The following TDRD7 variants were observed in gnomAD, a reference collection of about 807,000 sequenced individuals.
TDRD7 encodes tudor domain containing 7.
A neutral mutation model predicts 109.8 loss-of-function variants in TDRD7; 47 were observed. The ratio of observed to expected loss-of-function variants is 0.43; its 90% CI spans 0.34 to 0.55. The LOEUF (loss-of-function observed/expected upper bound fraction) is 0.55, where lower values mean the gene tolerates loss of function less well. Among genes scored for constraint, TDRD7 ranks in the 20% least tolerant of loss-of-function variants. The pLI is 0.03. For synonymous variants in TDRD7, 424 were observed against 457.3 expected, an observed-to-expected ratio of 0.93 and a Z score of 0.93; for missense variants, 1,164 against 1,319.2, an observed-to-expected ratio of 0.88 and a Z score of 1.82.
At chr9:97,459,969 A>G (rs1828681446) in intron 6 of TDRD7, among the ~76,000 whole-genome samples, 2 of 152,068 alleles carry the variant, frequency 1.3e-5, no homozygotes. Context: ...ATTTAATACT[A>G]TTTTATTTTC....
At chr9:97,470,509 T>G (rs1423989560) in intron 8 of TDRD7, 49 bp from the exon 9 acceptor site, 3 of 1,533,072 alleles carry the variant, frequency 2.0e-6, no homozygotes, top group African/African-American at 2.7e-5. Flanking sequence ...CAAATGAATT[T>G]TTTAAAGAGA....
intron 6 of TDRD7, among the ~76,000 whole-genome samples, chr9:97,457,055 A>G (rs1044105497): frequency 2.6e-5 from 4 of 152,224 alleles, no homozygotes; most frequent in African/African-American, 9.6e-5. Context: ...ACAGCCAACA[A>G]ACATGAAAAA....
chr9:97,465,542 G>C (rs1038855086), intron 8 of TDRD7, among the ~76,000 whole-genome samples: 2 of 152,170 alleles, frequency 1.3e-5, no homozygotes, highest in African/African-American at 4.8e-5. Context: ...TCTGGGCTTG[G>C]CTACATTCGT....
At chr9:97,446,990 A>G (rs1019504612) in intron 6 of TDRD7, among the ~76,000 whole-genome samples, 1 of 152,354 alleles carries the variant, frequency 6.6e-6, no homozygotes, top group Middle Eastern at 3.4e-3. Context: ...ACTTGGAAGT[A>G]TAATCATAAT....
chr9:97,439,262 C>T lies in TDRD7; in HGVS notation c.581C>T (p.Ser194Phe), dbSNP rs534534294. The T allele has an allele frequency of 1.9e-6, 3 of 1,601,474 alleles. No individual in the cohort carries two copies. Among genetic ancestry groups the T allele is most frequent in the South Asian group, 2.2e-5 (2 of 90,800 alleles). Residue 194 changes from serine to phenylalanine, a missense_variant, in exon 5 of 17, where the codon TCC (serine) becomes TTC (phenylalanine). Physicochemically the swap from Ser to Phe is radical, Grantham distance 155. Coordinates refer to ENST00000355295, the MANE Select transcript of TDRD7 (RefSeq NM_014290.3). ...STNNRFSPKA[S>F]LQPPLQMHLS... ...TATCTTAGGTTTAGCCCAAAGGCGT[C>T]CCTTCAACCACCTTTGCAGATGCAT...
In TDRD7 at chr9:97,436,426, A is replaced by G. The variant is rs961012803; in HGVS notation, c.564-2819A>G. On this transcript the variant is annotated intron_variant, in intron 4 of 16. Coordinates refer to ENST00000355295, the MANE Select transcript of TDRD7 (RefSeq NM_014290.3). The stretch of plus-strand genomic sequence containing the variant: ...TGAATTACATGTCTTTGTCCTTTAC[A>G]TAATTTTTCTATTGGCTCTTTTCCT... Among the ~76,000 whole-genome samples the G allele has an allele frequency of 2.0e-5, 3 of 152,260 alleles. No individual in the cohort carries two copies. In the East Asian group the frequency reaches 5.8e-4, roughly 29 times the overall value.
At position 97,412,989 on chromosome 9, in the gene TDRD7, C is replaced by T. The variant is rs1437023726; in HGVS notation, c.-7+751C>T. ...TATTTCCATTAATAGCTAAAGGTAC[C>T]ATTCTCAAATAATTTCTAAGAGCAG... On this transcript the variant is annotated intron_variant, in intron 1 of 16. Coordinates refer to ENST00000355295, the MANE Select transcript of TDRD7 (RefSeq NM_014290.3). The surrounding 1 kb of genome is among the most constrained non-coding windows in gnomAD (Gnocchi z 4.3). Among the ~76,000 whole-genome samples, 1 of 152,106 alleles carries T rather than the reference C, an allele frequency of 6.6e-6. No homozygotes were observed. Among genetic ancestry groups the T allele is most frequent in the Non-Finnish European group, 1.5e-5 (1 of 68,018 alleles).
In TDRD7 at chr9:97,415,719, G is replaced by T. The variant is rs149302315; in HGVS notation, c.-7+3481G>T. On this transcript the variant is annotated intron_variant, in intron 1 of 16. Coordinates refer to ENST00000355295, the MANE Select transcript of TDRD7 (RefSeq NM_014290.3). Reference sequence around the variant, plus strand: ...GAGGCGGGAGAATCACTTGAACCCGGCAGGCGGAGGTTGCAGTGAGCCAAG... The same window carrying T: ...GAGGCGGGAGAATCACTTGAACCCGTCAGGCGGAGGTTGCAGTGAGCCAAG... 3.4e-3 allele frequency among the ~76,000 whole-genome samples: 514 copies of T among 152,310 alleles called. 3 individuals are homozygous for T. The highest frequency in any genetic ancestry group is 0.011 in the African/African-American group (473 of 41,562).
intron 6 of TDRD7, among the ~76,000 whole-genome samples, chr9:97,455,703 T>C (rs980059287): frequency 4.5e-4 from 68 of 152,154 alleles, no homozygotes; most frequent in Non-Finnish European, 2.5e-4. Context: ...TCATGACAAA[T>C]CACAGCCAAT....
intron 6 of TDRD7, among the ~76,000 whole-genome samples, chr9:97,448,492 C>T (rs968760421): frequency 1.3e-5 from 2 of 152,228 alleles, no homozygotes; most frequent in Non-Finnish European, 2.9e-5. Context: ...AGCTGGTCAA[C>T]CTTTCTGTGA....
chr9:97,453,646 C>A (rs1167486181), intron 6 of TDRD7, among the ~76,000 whole-genome samples: 1 of 151,910 alleles, frequency 6.6e-6, no homozygotes, highest in Non-Finnish European at 1.5e-5. Flanking sequence ...GTTCAGGAGA[C>A]CCATCTTACA....
intron 14 of TDRD7, 57 bp downstream of exon 14, chr9:97,480,995 C>T (rs1829107063): frequency 6.8e-7 from 1 of 1,474,534 alleles, no homozygotes; most frequent in Non-Finnish European, 9.5e-7. Context: ...GCTGTCAGGG[C>T]TCATTTAGTT....
intron 14 of TDRD7, among the ~76,000 whole-genome samples, chr9:97,481,190 G>A (rs555281707): frequency 3.9e-5 from 6 of 152,120 alleles, no homozygotes; most frequent in Non-Finnish European, 8.8e-5. Flanking sequence ...CATTATTAAT[G>A]TAGAAGAGAT....
At chr9:97,430,832 T>TAA in intron 2 of TDRD7, 101 bp from the exon 3 acceptor site, 1 of 1,410,140 alleles carries the variant, frequency 7.1e-7, no homozygotes, top group Non-Finnish European at 1.0e-6. Context: ...CCACTTGACT[T>TAA]GGGATATGTA....
At position 97,441,804 on chromosome 9, in the gene TDRD7, A is replaced by G; in HGVS notation, c.784A>G (p.Lys262Glu). The change falls in exon 6 of 17, where the codon AAA becomes GAA. Residue 262 changes from lysine (K) to glutamate (E), a missense_variant. Coordinates refer to ENST00000355295, the MANE Select transcript of TDRD7 (RefSeq NM_014290.3). ...GATATCTAAGCTTCCACATTTTTAC[A>G]AAGAGTTATATAAAGAAGACCTTAA... ...IWISKLPHFY[K>E]ELYKEDLNQG... is the part of the protein sequence containing the mutation. 1 of 1,613,874 alleles carries G rather than the reference A, an allele frequency of 6.2e-7. No homozygotes were observed. Among genetic ancestry groups the G allele is most frequent in the Non-Finnish European group, 8.5e-7 (1 of 1,179,862 alleles).
intron 1 of TDRD7, among the ~76,000 whole-genome samples, chr9:97,421,905 G>A (rs1349679692): frequency 6.6e-6 from 1 of 151,930 alleles, no homozygotes; most frequent in African/African-American, 2.4e-5. Context: ...CTAACCCAAG[G>A]CCACAAAGAT....
At chr9:97,427,392 C>T (rs1019687299) in intron 1 of TDRD7, among the ~76,000 whole-genome samples, 1 of 151,996 alleles carries the variant, frequency 6.6e-6, no homozygotes, top group African/African-American at 2.4e-5. Flanking sequence ...TTTATAGGTT[C>T]GTCTTCCTCT....
At chr9:97,449,017 A>C (rs1828445864) in intron 6 of TDRD7, among the ~76,000 whole-genome samples, 1 of 152,226 alleles carries the variant, frequency 6.6e-6, no homozygotes, top group Non-Finnish European at 1.5e-5. Context: ...GCACAGGTAA[A>C]ACTAGAAAGA....
chr9:97,439,234 TAATA>T lies in TDRD7; in HGVS notation c.564-10_564-7del. 6.4e-7 allele frequency: 1 copy of T among 1,563,772 alleles called. No homozygotes were observed. The highest frequency in any genetic ancestry group is 8.6e-7 in the Non-Finnish European group (1 of 1,163,012). On this transcript the variant is annotated splice_polypyrimidine_tract_variant and splice_region_variant and intron_variant, in intron 4 of 16. Coordinates refer to ENST00000355295, the MANE Select transcript of TDRD7 (RefSeq NM_014290.3). ...ACATTTATTTTACTTTTTTTTTTTT[TAATA>T]TCTTAGGTTTAGCCCAAAGGCGTCC...
Sources: allele counts gnomAD v4.1 joint callset (sites outside exome capture counted in the v4.1 genomes callset), GRCh38; gene constraint gnomAD v4.1.1; non-coding constraint Gnocchi (gnomAD v3.1); transcripts MANE v1.5; gene names NCBI Gene and HGNC (gene_info 2026-07-23, HGNC 2026-07-21).